The following NTM variants were observed in gnomAD, a reference collection of about 807,000 sequenced individuals.
NTM encodes the protein neurotrimin.
In NTM, 13 loss-of-function variants were observed where a neutral mutation model predicts 42.1. The ratio of observed to expected loss-of-function variants is 0.31; its 90% CI spans 0.20 to 0.49. NTM has a LOEUF of 0.49. NTM is among the 20% of genes least tolerant of loss of function. NTM has a pLI of 0.99. For synonymous variants in NTM, 187 were observed against 179.2 expected (o/e 1.04, Z -0.35); for missense variants, 373 against 452.8 (o/e 0.82, Z 1.60).
intron 1 of NTM, among the ~76,000 whole-genome samples, chr11:131,769,997 G>C (rs1390453660): frequency 6.6e-6 from 1 of 152,184 alleles, no homozygotes; most frequent in African/African-American, 2.4e-5. Flanking sequence ...AGGCTGACCA[G>C]TCAGGCAGAT....
At chr11:131,479,498 C>T (rs191308055) in intron 1 of NTM, among the ~76,000 whole-genome samples, 92 of 152,160 alleles carry the variant, frequency 6.0e-4, no homozygotes, top group Non-Finnish European at 1.1e-3. Flanking sequence ...AACTAAGGGT[C>T]GCCTAAGGTG....
At chr11:131,816,547 GA>G (rs34057469) in intron 1 of NTM, among the ~76,000 whole-genome samples, 91,809 of 139,894 alleles carry the variant, frequency 0.66, 30,875 homozygotes, top group East Asian at 0.8. Context: ...ATTAAAGCAA[GA>G]AAAAAAAAAA....
At chr11:131,447,550 G>A (rs1037867698) in intron 1 of NTM, among the ~76,000 whole-genome samples, 5 of 152,158 alleles carry the variant, frequency 3.3e-5, no homozygotes, top group African/African-American at 1.2e-4. Flanking sequence ...GGCAGCTCTC[G>A]GGAGAGGGAG....
At chr11:132,169,111 CA>C (rs2075728688) in intron 3 of NTM, among the ~76,000 whole-genome samples, 1 of 151,964 alleles carries the variant, frequency 6.6e-6, no homozygotes, top group African/African-American at 2.4e-5. Flanking sequence ...ATCACACAGG[CA>C]TTTGGATTTC....
Position 131,452,503 on chromosome 11 carries a change from T to A in NTM, c.82+81615T>A, listed in dbSNP as rs78153818. On this transcript the variant is annotated intron_variant, in intron 1 of 8. Coordinates refer to ENST00000683400, the MANE Select transcript of NTM (RefSeq NM_001352005.2). Reference sequence around the variant, plus strand: ...AGGAAGCCTTCTGAACCAACTGACATGTGTGTGCTCATTTGTAGGAAGAAG... The same window carrying A: ...AGGAAGCCTTCTGAACCAACTGACAAGTGTGTGCTCATTTGTAGGAAGAAG... 3.0e-4 allele frequency among the ~76,000 whole-genome samples: 46 copies of A among 152,346 alleles called. No individual in the cohort carries two copies. In the East Asian group the frequency reaches 6.7e-3, roughly 22 times the overall value.
chr11:131,417,095 A>G (rs1198083918), intron 1 of NTM, among the ~76,000 whole-genome samples: 1 of 152,214 alleles, frequency 6.6e-6, no homozygotes, highest in Admixed American at 6.5e-5. Context: ...CTCAGGATCT[A>G]CTAAACTCTC....
intron 1 of NTM, among the ~76,000 whole-genome samples, chr11:131,527,729 C>A (rs432865): frequency 0.32 from 48,638 of 152,078 alleles, 8,902 homozygotes; most frequent in African/African-American, 0.51. Context: ...AGCATGCACT[C>A]AAATACACGG....
intron 2 of NTM, among the ~76,000 whole-genome samples, chr11:131,921,820 G>A (rs1448844699): frequency 6.6e-6 from 1 of 151,768 alleles, no homozygotes; most frequent in Non-Finnish European, 1.5e-5. Context: ...TTCCTCAGAG[G>A]CCATCAGCAC....
chr11:131,616,842 T>C (rs2061994177), intron 1 of NTM, among the ~76,000 whole-genome samples: 2 of 151,480 alleles, frequency 1.3e-5, no homozygotes, highest in Non-Finnish European at 2.9e-5. Flanking sequence ...ACAGCTGTTT[T>C]AATGAATGCA....
Position 132,096,427 on chromosome 11 carries a change from G to A in NTM, c.168-49855G>A, listed in dbSNP as rs549590699. 3.9e-4 allele frequency among the ~76,000 whole-genome samples: 59 copies of A among 152,280 alleles called. 1 individual carries two copies. The highest frequency in any genetic ancestry group is 1.2e-3 in the Admixed American group (19 of 15,290). ...TACAGGGCTGTAATTGGGTTGAAGG[G>A]ATTTTAAATCATTAAAGTTGCATTT... On this transcript the variant is annotated intron_variant, in intron 2 of 8. Coordinates refer to ENST00000683400, the MANE Select transcript of NTM (RefSeq NM_001352005.2).
intron 4 of NTM, among the ~76,000 whole-genome samples, chr11:132,241,448 C>T (rs1229706389): frequency 6.6e-6 from 1 of 152,014 alleles, no homozygotes; most frequent in African/African-American, 2.4e-5. Flanking sequence ...TTATTTAGTC[C>T]TCATCCCCCC....
intron 1 of NTM, among the ~76,000 whole-genome samples, chr11:131,783,656 G>T (rs572954054): frequency 6.6e-6 from 1 of 152,026 alleles, no homozygotes; most frequent in East Asian, 1.9e-4. Flanking sequence ...ATGAACCACA[G>T]TTCATATAAG....
intron 1 of NTM, chr11:131,910,920 G>C: frequency 1.0e-6 from 1 of 986,782 alleles, no homozygotes. Flanking sequence ...TCTCCTCCGC[G>C]CGCCACCCCT....
intron 1 of NTM, among the ~76,000 whole-genome samples, chr11:131,616,993 A>G (rs1565714373): frequency 6.6e-6 from 1 of 152,184 alleles, no homozygotes; most frequent in East Asian, 1.9e-4. Context: ...TGGAATGCAG[A>G]CTGCTCAATC....
rs1401099864 is a variant in NTM at position 131,705,898 on chromosome 11, A to G, written c.83-205666A>G. Among the ~76,000 whole-genome samples, 4 of 152,130 alleles carry G rather than the reference A, an allele frequency of 2.6e-5. No individual in the cohort carries two copies. The East Asian group carries it at 5.8e-4, about 22-fold the overall frequency. On this transcript the variant is annotated intron_variant, in intron 1 of 8. Transcript: ENST00000683400. ...ACTATTACTACAAAAAAATCAAATCACAGAGGAAGACAGAAAGAGAGGAAG... is the reference window on the plus strand; with the variant it reads ...ACTATTACTACAAAAAAATCAAATCGCAGAGGAAGACAGAAAGAGAGGAAG...
At chr11:131,680,548 C>G (rs62636423) in intron 1 of NTM, among the ~76,000 whole-genome samples, 1 of 4,872 alleles carries the variant, frequency 2.1e-4, no homozygotes, top group Non-Finnish European at 4.5e-4. Flanking sequence ...TCTGTGAGTG[C>G]CTGTGTGTGT....
At chr11:132,288,544 AC>A (rs2094336070) in intron 4 of NTM, among the ~76,000 whole-genome samples, 1 of 152,154 alleles carries the variant, frequency 6.6e-6, no homozygotes, top group Admixed American at 6.5e-5. Flanking sequence ...CAATAGTTTC[AC>A]CCCAAAATAT....
intron 2 of NTM, among the ~76,000 whole-genome samples, chr11:132,015,174 G>A (rs932049730): frequency 9.9e-5 from 15 of 151,824 alleles, no homozygotes; most frequent in Middle Eastern, 3.4e-3. Flanking sequence ...TATGTTTGTG[G>A]CAACTTTGTC....
rs1206359276 is a variant in NTM at position 132,028,031 on chromosome 11, A to AT, written c.167+116394dup. 9.8e-3 allele frequency among the ~76,000 whole-genome samples: 1,409 copies of AT among 143,782 alleles called. 11 individuals carry two copies. Among genetic ancestry groups the AT allele is most frequent in the African/African-American group, 0.027 (1,056 of 39,280 alleles). The allele number at this position is 143,782 out of a possible 152,430, so 94.3% of individuals were successfully genotyped here. A position where few individuals can be genotyped will look rare whatever the true frequency, so the allele number is the denominator to read the frequency against. On this transcript the variant is annotated intron_variant, in intron 2 of 8. Coordinates refer to ENST00000683400, the MANE Select transcript of NTM (RefSeq NM_001352005.2). The stretch of plus-strand genomic sequence containing the variant: ...TCCATGGCATTCTTCATTTCTGTTG[A>AT]TTTTTTTTTTTATTTCTACCATCTT...
Sources: gnomAD v4.1 joint callset for allele counts (sites outside exome capture counted in the v4.1 genomes callset) on GRCh38, gnomAD v4.1.1 for gene constraint, MANE v1.5 for transcripts, NCBI Gene and HGNC (gene_info 2026-07-23, HGNC 2026-07-21) for gene names.